The following DOCK7 variants were observed in gnomAD, a reference collection of about 807,000 sequenced individuals.
DOCK7 encodes dedicator of cytokinesis 7.
Under a neutral mutation model 271.0 loss-of-function variants are expected in DOCK7, and 138 were observed. The ratio of observed to expected loss-of-function variants is 0.51; its 90% CI spans 0.44 to 0.59. DOCK7 has a LOEUF of 0.59. Ranked by LOEUF, DOCK7 falls within the 20% of genes least tolerant of loss-of-function variation. DOCK7 has a pLI of 0.00. For missense variants in DOCK7, 2,066 were observed against 2,592.4 expected, an observed-to-expected ratio of 0.80 and a Z score of 4.41; for synonymous variants, 823 against 876.1, an observed-to-expected ratio of 0.94 and a Z score of 1.07.
At chr1:62,604,990 C>T in intron 14 of DOCK7, 1 of 636,352 alleles carries the variant, frequency 1.6e-6, no homozygotes, top group Non-Finnish European at 2.6e-6. Context: ...TTAAAGAATA[C>T]CGTTTACATT....
In DOCK7 at chr1:62,596,862, G is replaced by T. The variant is rs531043366; in HGVS notation, c.1683-10238C>A. Among the ~76,000 whole-genome samples the T allele has an allele frequency of 3.9e-5, 6 of 152,252 alleles. No homozygotes were observed. The South Asian group carries it at 1.2e-3, about 32-fold the overall frequency. ...CTAGAACACAGAGACACAGAACACAGTGGAGAAAAGGGAGTGAAATGTCTT... is the reference window on the plus strand; with the variant it reads ...CTAGAACACAGAGACACAGAACACATTGGAGAAAAGGGAGTGAAATGTCTT... On this transcript the variant is annotated intron_variant, in intron 14 of 49. Coordinates refer to ENST00000635253, the MANE Select transcript of DOCK7 (RefSeq NM_001367561.1).
At chr1:62,631,816 A>G (rs1010867356) in intron 10 of DOCK7, among the ~76,000 whole-genome samples, 1 of 152,236 alleles carries the variant, frequency 6.6e-6, no homozygotes, top group Non-Finnish European at 1.5e-5. Context: ...CATTTGAAAT[A>G]GTCCCTAACA....
At chr1:62,608,737 A>C (rs1490297250) in intron 14 of DOCK7, 1 of 152,190 alleles carries the variant, frequency 6.6e-6, no homozygotes, top group Non-Finnish European at 1.5e-5. Flanking sequence ...CACATGTCTC[A>C]TTATGAGGTA....
Position 62,504,659 on chromosome 1 carries a change from G to A in DOCK7, c.4735C>T (p.Leu1579=). The A allele has an allele frequency of 6.2e-7, 1 of 1,612,806 alleles. No homozygotes were observed. Among genetic ancestry groups the A allele is most frequent in the Non-Finnish European group, 8.5e-7 (1 of 1,179,692 alleles). The change falls in exon 37 of 50, where the codon CTA becomes TTA. Residue 1579 remains leucine (L), a synonymous_variant. Coordinates refer to ENST00000635253, the MANE Select transcript of DOCK7 (RefSeq NM_001367561.1). The part of the protein sequence containing the change: ...RSHASASLYL[L]MRQNFEIGNN... The stretch of plus-strand genomic sequence containing the variant: ...CCAATCTCAAAGTTTTGCCTCATTA[G>A]TAGGTAAAGGGAGGCACTGGCGTGT...
intron 1 of DOCK7, among the ~76,000 whole-genome samples, chr1:62,664,540 A>G (rs191188513): frequency 6.6e-6 from 1 of 152,292 alleles, no homozygotes; most frequent in African/African-American, 2.4e-5. Flanking sequence ...AGTCTTGGAT[A>G]TATCTTTATT....
At chr1:62,640,554 G>C (rs192260712) in intron 7 of DOCK7, among the ~76,000 whole-genome samples, 1 of 152,172 alleles carries the variant, frequency 6.6e-6, no homozygotes, top group East Asian at 1.9e-4. Flanking sequence ...GTGTGTGTGT[G>C]TGTATTTGTT....
At chr1:62,652,468 T>G (rs555838267) in intron 4 of DOCK7, among the ~76,000 whole-genome samples, 22 of 152,240 alleles carry the variant, frequency 1.4e-4, no homozygotes, top group Non-Finnish European at 2.6e-4. Context: ...TTTTGGTTTG[T>G]GGGATCTCAG....
intron 4 of DOCK7, among the ~76,000 whole-genome samples, chr1:62,650,532 TG>T (rs1359183894): frequency 1.3e-5 from 2 of 152,190 alleles, no homozygotes; most frequent in East Asian, 3.9e-4. Context: ...AGAAAATTTT[TG>T]CAATCTACTC....
chr1:62,665,237 C>G (rs1571948809), intron 1 of DOCK7, among the ~76,000 whole-genome samples: 1 of 152,224 alleles, frequency 6.6e-6, no homozygotes, highest in South Asian at 2.1e-4. Flanking sequence ...GAGCCACCCA[C>G]CTTGGTCTCC....
At chr1:62,643,917 GA>G (rs1656336436) in intron 7 of DOCK7, among the ~76,000 whole-genome samples, 1 of 151,988 alleles carries the variant, frequency 6.6e-6, no homozygotes, top group African/African-American at 2.4e-5. Context: ...ATAAAATCTT[GA>G]AAAAGATCAA....
intron 17 of DOCK7, among the ~76,000 whole-genome samples, chr1:62,577,962 C>T (rs941880203): frequency 1.1e-4 from 16 of 151,786 alleles, no homozygotes; most frequent in East Asian, 5.8e-4. Flanking sequence ...CTCACTCCAT[C>T]GCCCAGGCCA....
chr1:62,527,584 T>C (rs1645047490), intron 31 of DOCK7, among the ~76,000 whole-genome samples: 1 of 151,910 alleles, frequency 6.6e-6, no homozygotes, highest in South Asian at 2.1e-4. Context: ...CGTAGGGACA[T>C]GGACGAAGCT....
At chr1:62,669,127 A>G (rs1015942442) in intron 1 of DOCK7, among the ~76,000 whole-genome samples, 3 of 152,068 alleles carry the variant, frequency 2.0e-5, no homozygotes, top group African/African-American at 4.8e-5. Flanking sequence ...CTTTCAAAGC[A>G]CCCTGTGCTT....
At position 62,477,690 on chromosome 1, in the gene DOCK7, C is replaced by T; in HGVS notation, c.5634+10G>A. The T allele has an allele frequency of 1.3e-6, 2 of 1,591,200 alleles. No homozygotes were observed. The highest frequency in any genetic ancestry group is 1.7e-6 in the Non-Finnish European group (2 of 1,171,520). ...AAAGATGACATTTTATGAACCACCA[C>T]AGCATTCACCTCCAATCTGTGAGAT... is the stretch of plus-strand genomic sequence containing the variant. On this transcript the variant is annotated intron_variant, in intron 44 of 49. Coordinates refer to ENST00000635253, the MANE Select transcript of DOCK7 (RefSeq NM_001367561.1).
rs778146567 is a variant in DOCK7, at chr1:62,513,624, G to A, written c.4120-18C>T. The A allele has an allele frequency of 4.2e-5, 68 of 1,608,324 alleles. No individual in the cohort carries two copies. The South Asian group carries it at 7.6e-4, about 18-fold the overall frequency. On this transcript the variant is annotated intron_variant, in intron 32 of 49. Coordinates refer to ENST00000635253, the MANE Select transcript of DOCK7 (RefSeq NM_001367561.1). ...TTTTTCCCCTAAAATGTAAACATTAGAAGAGAAGAGGTATTGAGGAAATTT... is the reference window on the plus strand; with the variant it reads ...TTTTTCCCCTAAAATGTAAACATTAAAAGAGAAGAGGTATTGAGGAAATTT...
At chr1:62,628,212 T>C (rs1654187812) in intron 11 of DOCK7, 1 of 152,308 alleles carries the variant, frequency 6.6e-6, no homozygotes, top group Non-Finnish European at 1.5e-5. Context: ...ATGCCACTAC[T>C]GATCTGAGAG....
Position 62,561,691 on chromosome 1 carries a change from C to A in DOCK7, c.2125G>T (p.Gly709Cys). ...TTGTGATTATCTACCCATTTCATGC[C>A]AGGTAGAGGAACCTGTAAGATATTA... is the stretch of plus-strand genomic sequence containing the variant. ...SVLSPEVPLP[G>C]MKWVDNHKGV... is the part of the protein sequence containing the mutation. The change falls in exon 19 of 50, where the codon GGC becomes TGC. Residue 709 changes from glycine (G) to cysteine (C), a missense_variant. This residue lies in a region of DOCK7 where 1,414 missense variants were observed against 1,670.4 expected (regional missense o/e 0.85). Coordinates refer to ENST00000635253, the MANE Select transcript of DOCK7 (RefSeq NM_001367561.1). 6.4e-7 allele frequency: 1 copy of A among 1,568,840 alleles called. No individual in the cohort carries two copies. Among genetic ancestry groups the A allele is most frequent in the South Asian group, 1.2e-5 (1 of 81,258 alleles).
chr1:62,660,041 T>C (rs1273389183), intron 2 of DOCK7, among the ~76,000 whole-genome samples: 6 of 152,186 alleles, frequency 3.9e-5, no homozygotes, highest in Non-Finnish European at 8.8e-5. Flanking sequence ...AAGGATACAG[T>C]ATAATTCAAA....
chr1:62,541,755 G>C (rs943670981), intron 25 of DOCK7, among the ~76,000 whole-genome samples: 2 of 152,052 alleles, frequency 1.3e-5, no homozygotes, highest in African/African-American at 4.8e-5. Context: ...GACTGTGTGG[G>C]GGAGTCGGTT....
Sources: gnomAD v4.1 joint callset for allele counts (sites outside exome capture counted in the v4.1 genomes callset) on GRCh38, gnomAD v4.1.1 for gene constraint, gnomAD v4.1.1 regional missense constraint, MANE v1.5 for transcripts, NCBI Gene and HGNC (gene_info 2026-07-23, HGNC 2026-07-21) for gene names.